The following AFG2A variants were observed in gnomAD, a reference collection of about 807,000 sequenced individuals.
AFG2A encodes the protein ATPase family gene 2 protein homolog A.
At chr4:123,291,375 T>C in the AFG2A span, among the ~76,000 whole-genome samples, 3 of 152,212 alleles carry the variant, frequency 2.0e-5, no homozygotes, top group African/African-American at 7.2e-5. Flanking sequence ...GATTGTTATC[T>C]AGTTGTTTTG....
At chr4:123,238,337 C>T in the AFG2A span, among the ~76,000 whole-genome samples, 3,943 of 152,310 alleles carry the variant, frequency 0.026, 85 homozygotes, top group Non-Finnish European at 0.042. Flanking sequence ...TCTCCCAGCA[C>T]GGCATTTGAG....
chr4:123,029,580 A>G, the AFG2A span, among the ~76,000 whole-genome samples: 1 of 152,088 alleles, frequency 6.6e-6, no homozygotes, highest in East Asian at 1.9e-4. Context: ...GGGGGAGGAG[A>G]CCATTTACAG....
the AFG2A span, among the ~76,000 whole-genome samples, chr4:123,267,395 T>C: frequency 6.6e-6 from 1 of 152,066 alleles, no homozygotes; most frequent in Non-Finnish European, 1.5e-5. Flanking sequence ...GGTTTTGCTT[T>C]TATATTTATA....
At chr4:123,316,483 T>C in the AFG2A span, 9 of 152,302 alleles carry the variant, frequency 5.9e-5, no homozygotes, top group East Asian at 1.7e-3. Flanking sequence ...ACTTTTATGC[T>C]CTGTGTTCCC....
the AFG2A span, among the ~76,000 whole-genome samples, chr4:123,053,549 A>G: frequency 6.6e-6 from 1 of 152,198 alleles, no homozygotes. Context: ...GGTCATTGCA[A>G]AAGTGCTTGA....
chr4:123,143,903 CAG>C, the AFG2A span, among the ~76,000 whole-genome samples: 1 of 148,566 alleles, frequency 6.7e-6, no homozygotes, highest in Non-Finnish European at 1.5e-5. Context: ...TCTTTTCAGT[CAG>C]AAAGTCAGGC....
chr4:123,044,295 ATCT>A, the AFG2A span, among the ~76,000 whole-genome samples: 1 of 152,280 alleles, frequency 6.6e-6, no homozygotes, highest in African/African-American at 2.4e-5. Flanking sequence ...TTAATCATTT[ATCT>A]TCTTCAATTA....
At chr4:123,089,103 C>T in the AFG2A span, among the ~76,000 whole-genome samples, 2 of 152,086 alleles carry the variant, frequency 1.3e-5, no homozygotes, top group East Asian at 3.9e-4. Flanking sequence ...AATAAATTAG[C>T]GTTGTGATTT....
chr4:122,990,983 T>C, the AFG2A span, among the ~76,000 whole-genome samples: 1 of 152,244 alleles, frequency 6.6e-6, no homozygotes, highest in Non-Finnish European at 1.5e-5. Context: ...ACCAATAGTT[T>C]CTTTTCTGCT....
At chr4:123,266,730 G>GT in the AFG2A span, among the ~76,000 whole-genome samples, 3 of 151,632 alleles carry the variant, frequency 2.0e-5, no homozygotes, top group Non-Finnish European at 3.0e-5. Context: ...TAAAGCTAAT[G>GT]TTTTTTTATA....
At chr4:122,949,220 G>A in the AFG2A span, among the ~76,000 whole-genome samples, 2 of 152,176 alleles carry the variant, frequency 1.3e-5, no homozygotes, top group South Asian at 2.1e-4. Flanking sequence ...AAAGAAGGGT[G>A]CATGACACAC....
the AFG2A span, chr4:123,028,088 T>C: frequency 1.0e-6 from 1 of 992,882 alleles, no homozygotes; most frequent in Non-Finnish European, 1.5e-6. Context: ...GTTCTATTCT[T>C]TTTTGCAGTT....
At chr4:122,996,995 G>C in the AFG2A span, among the ~76,000 whole-genome samples, 2 of 152,130 alleles carry the variant, frequency 1.3e-5, no homozygotes, top group Non-Finnish European at 2.9e-5. Context: ...ATTGAGGGCT[G>C]ATCTTTCCTA....
the AFG2A span, among the ~76,000 whole-genome samples, chr4:123,293,023 G>A: frequency 9.2e-5 from 14 of 152,276 alleles, no homozygotes; most frequent in African/African-American, 1.9e-4. Context: ...AGACCAGCAC[G>A]AAAGCAATCT....
the AFG2A span, chr4:123,057,367 T>C: frequency 4.9e-6 from 7 of 1,434,370 alleles, no homozygotes; most frequent in Non-Finnish European, 6.7e-6. Flanking sequence ...ATAAATAGCA[T>C]TTTGTATACA....
the AFG2A span, among the ~76,000 whole-genome samples, chr4:122,959,310 G>C: frequency 1.3e-5 from 2 of 152,080 alleles, no homozygotes; most frequent in African/African-American, 4.8e-5. Context: ...ATTTAACTTT[G>C]CCACTCAAGA....
chr4:123,000,428 A>G, the AFG2A span, among the ~76,000 whole-genome samples: 2 of 151,982 alleles, frequency 1.3e-5, no homozygotes, highest in Non-Finnish European at 2.9e-5. Context: ...TCAGTATGAT[A>G]CTGGCTGTGG....
chr4:123,293,214 C>T, the AFG2A span, among the ~76,000 whole-genome samples: 8 of 152,188 alleles, frequency 5.3e-5, no homozygotes, highest in South Asian at 2.1e-4. Context: ...GTCCCAGCCA[C>T]GTCTGCAGTG....
the AFG2A span, among the ~76,000 whole-genome samples, chr4:122,998,781 T>A: frequency 2.0e-5 from 3 of 152,224 alleles, no homozygotes; most frequent in Non-Finnish European, 4.4e-5. Flanking sequence ...TATGTGTGCA[T>A]GTGTCTTTAT....
Sources: allele counts gnomAD v4.1 joint callset (sites outside exome capture counted in the v4.1 genomes callset), GRCh38; gene constraint gnomAD v4.1.1; transcripts MANE v1.5; gene names NCBI Gene and HGNC (gene_info 2026-07-23, HGNC 2026-07-21).